Variants in MYO1E observed in about 807,000 individuals in gnomAD.
The protein encoded by MYO1E is myosin IE, also known as unconventional myosin-Ie.
MYO1E carries 68 observed loss-of-function variants against 151.1 expected under a neutral mutation model. That is an observed-to-expected ratio of 0.45 (90% CI 0.37 to 0.55). MYO1E has a LOEUF of 0.55. Ranked by LOEUF, MYO1E falls within the 20% of genes least tolerant of loss-of-function variation. MYO1E has a pLI of 0.00. For missense variants in MYO1E, 1,363 were observed against 1,389.3 expected (o/e 0.98, Z 0.30); for synonymous variants, 601 against 501.7 (o/e 1.20, Z -2.64).
At chr15:59,288,281 T>C (rs560223495) in intron 1 of MYO1E, among the ~76,000 whole-genome samples, 1 of 152,202 alleles carries the variant, frequency 6.6e-6, no homozygotes, top group Non-Finnish European at 1.5e-5. Flanking sequence ...GCTCAAGTGA[T>C]TCTTCTGCCT....
chr15:59,186,734 C>T (rs1018979892), intron 18 of MYO1E, among the ~76,000 whole-genome samples: 5 of 152,180 alleles, frequency 3.3e-5, no homozygotes, highest in Non-Finnish European at 7.3e-5. Context: ...AGTAATAGAG[C>T]AAGACTTTGT....
At chr15:59,154,981 G>T (rs1486558471) in intron 25 of MYO1E, among the ~76,000 whole-genome samples, 1 of 152,128 alleles carries the variant, frequency 6.6e-6, no homozygotes, top group Non-Finnish European at 1.5e-5. Flanking sequence ...TAGACATTTG[G>T]GGCAAACAGC....
intron 18 of MYO1E, among the ~76,000 whole-genome samples, chr15:59,185,939 T>A (rs1213086926): frequency 6.6e-6 from 1 of 152,212 alleles, no homozygotes; most frequent in Non-Finnish European, 1.5e-5. Context: ...GCCTAAAATG[T>A]CAGTGGTCTG....
chr15:59,287,809 A>T (rs139729974), intron 1 of MYO1E, among the ~76,000 whole-genome samples: 1 of 152,292 alleles, frequency 6.6e-6, no homozygotes, highest in African/African-American at 2.4e-5. Flanking sequence ...CCTCCTGTCC[A>T]GGCCTGGTTC....
chr15:59,304,842 T>C (rs987053130), intron 1 of MYO1E, among the ~76,000 whole-genome samples: 1 of 152,260 alleles, frequency 6.6e-6, no homozygotes, highest in Non-Finnish European at 1.5e-5. Flanking sequence ...AAAATGGAAC[T>C]TGTCTTTACC....
chr15:59,257,758 A>G (rs1388420955), intron 3 of MYO1E, among the ~76,000 whole-genome samples: 1 of 152,106 alleles, frequency 6.6e-6, no homozygotes, highest in Non-Finnish European at 1.5e-5. Flanking sequence ...AGCTATGCCT[A>G]GGACTGGTCA....
chr15:59,224,824 C>T lies in MYO1E; in HGVS notation c.643-1G>A. On this transcript the variant is annotated splice_acceptor_variant, in intron 7 of 27. Coordinates refer to ENST00000288235, the MANE Select transcript of MYO1E (RefSeq NM_004998.4). LOFTEE classifies it high-confidence loss of function. The stretch of plus-strand genomic sequence containing the variant: ...GCTCTGCAGAGGCGCCCTCGATGAG[C>T]TGGAGCAAGAGAACACAGGTTGAGC... 6.2e-7 allele frequency: 1 copy of T among 1,614,176 alleles called. No individual in the cohort carries two copies. The highest frequency in any genetic ancestry group is 8.5e-7 in the Non-Finnish European group (1 of 1,180,036).
At position 59,227,491 on chromosome 15, in the gene MYO1E, G is replaced by T. The variant is rs374988950; in HGVS notation, c.610C>A (p.Pro204Thr). 4.3e-5 allele frequency: 70 copies of T among 1,613,994 alleles called. No homozygotes were observed. Among genetic ancestry groups the T allele is most frequent in the Middle Eastern group, 1.6e-4 (1 of 6,082 alleles). ...AATATGTGAAAACTCCGCTCTCCTGGGTTCCTCATCACCACCCTAGATTTT... is the reference window on the plus strand; with the variant it reads ...AATATGTGAAAACTCCGCTCTCCTGTGTTCCTCATCACCACCCTAGATTTT... Reference protein sequence around the residue: ...LEKSRVVMRNPGERSFHIFYQ... With the variant: ...LEKSRVVMRNTGERSFHIFYQ... Residue 204 changes from proline to threonine, a missense_variant, in exon 7 of 28, where the codon CCA becomes ACA. Transcript: ENST00000288235.
intron 2 of MYO1E, among the ~76,000 whole-genome samples, chr15:59,266,033 T>C (rs2080251459): frequency 6.6e-6 from 1 of 152,052 alleles, no homozygotes; most frequent in Non-Finnish European, 1.5e-5. Flanking sequence ...AAGGAGAATT[T>C]AATTGATTTA....
chr15:59,142,685 C>T (rs1258521537), intron 26 of MYO1E, among the ~76,000 whole-genome samples: 2 of 152,106 alleles, frequency 1.3e-5, no homozygotes, highest in Non-Finnish European at 2.9e-5. Flanking sequence ...CAGGGGCGGC[C>T]CCTGCTCACA....
intron 1 of MYO1E, among the ~76,000 whole-genome samples, chr15:59,340,308 CA>C (rs553563896): frequency 6.6e-6 from 1 of 150,594 alleles, no homozygotes; most frequent in Non-Finnish European, 1.5e-5. Context: ...CACCTTGTCT[CA>C]AAAAAAATAG....
chr15:59,278,474 A>G (rs1272107080), intron 1 of MYO1E, among the ~76,000 whole-genome samples: 1 of 152,158 alleles, frequency 6.6e-6, no homozygotes, highest in East Asian at 1.9e-4. Context: ...ATTTTACTGG[A>G]CTGAAACATT....
At chr15:59,190,084 G>A (rs975340741) in intron 17 of MYO1E, among the ~76,000 whole-genome samples, 5 of 152,158 alleles carry the variant, frequency 3.3e-5, no homozygotes, top group African/African-American at 9.7e-5. Flanking sequence ...ACAGTGCTCT[G>A]GATGCCGACA....
At chr15:59,202,979 C>CA (rs2079811237) in intron 15 of MYO1E, among the ~76,000 whole-genome samples, 1 of 152,204 alleles carries the variant, frequency 6.6e-6, no homozygotes, top group Non-Finnish European at 1.5e-5. Context: ...CAACTGGACT[C>CA]AAGAGGTGCT....
intron 1 of MYO1E, among the ~76,000 whole-genome samples, chr15:59,296,590 C>A (rs986138475): frequency 7.8e-4 from 118 of 152,122 alleles, no homozygotes; most frequent in African/African-American, 2.7e-3. Flanking sequence ...GTAGGTGTCT[C>A]TCTGCAGGCA....
At position 59,227,759 on chromosome 15, in the gene MYO1E, C is replaced by T. The variant is rs116242165; in HGVS notation, c.511-169G>A. Among the ~76,000 whole-genome samples the T allele has an allele frequency of 9.0e-3, 1,376 of 152,296 alleles. 28 individuals carry two copies. The highest frequency in any genetic ancestry group is 0.032 in the African/African-American group (1,322 of 41,562). On this transcript the variant is annotated intron_variant, in intron 6 of 27. Transcript: ENST00000288235. Reference sequence around the variant, plus strand: ...CTTAGTTTTCAATCAGACAATAACCCGTGCTTTTGTCCAGCCACACGATTC... The same window carrying T: ...CTTAGTTTTCAATCAGACAATAACCTGTGCTTTTGTCCAGCCACACGATTC...
At chr15:59,227,780 G>A (rs920625370) in intron 6 of MYO1E, among the ~76,000 whole-genome samples, 190 bp from the exon 7 acceptor site, 2 of 152,162 alleles carry the variant, frequency 1.3e-5, no homozygotes, top group African/African-American at 4.8e-5. Context: ...CCAGCCACAC[G>A]ATTCTGTTAG....
chr15:59,216,618 C>CTATCTATA (rs2079916618), intron 10 of MYO1E, among the ~76,000 whole-genome samples: 1 of 92,200 alleles, frequency 1.1e-5, no homozygotes, highest in Non-Finnish European at 2.4e-5. Flanking sequence ...ATCTATCTAT[C>CTATCTATA]TATCTTTTGG....
intron 19 of MYO1E, among the ~76,000 whole-genome samples, chr15:59,178,034 C>A (rs1203903394): frequency 6.6e-6 from 1 of 152,236 alleles, no homozygotes; most frequent in Non-Finnish European, 1.5e-5. Context: ...AACTATTGAG[C>A]ATTTTCTGTG....
Sources: allele counts gnomAD v4.1 joint callset (sites outside exome capture counted in the v4.1 genomes callset), GRCh38; gene constraint gnomAD v4.1.1; transcripts MANE v1.5; gene names NCBI Gene and HGNC (gene_info 2026-07-23, HGNC 2026-07-21).